Variants in PAK5 observed in about 807,000 individuals in gnomAD.
PAK5 encodes serine/threonine-protein kinase PAK 5.
A neutral mutation model predicts 65.9 loss-of-function variants in PAK5; 16 were observed. The observed-to-expected ratio is 0.24, with a 90% CI of 0.16 to 0.37. PAK5 has a LOEUF of 0.37. PAK5 is among the 10% of genes least tolerant of loss of function. The probability of loss-of-function intolerance (pLI) is 1.00; values close to 1 mark genes in which losing one functional copy is unlikely to be tolerated. For missense variants in PAK5, 785 were observed against 903.9 expected (o/e 0.87, Z 1.69); for synonymous variants, 371 against 354.9 (o/e 1.05, Z -0.51).
chr20:9,542,753 A>C, intron 8 of PAK5, 33 bp from the exon 9 acceptor site: 4 of 1,603,382 alleles, frequency 2.5e-6, no homozygotes, highest in Non-Finnish European at 3.4e-6. Flanking sequence ...TATCTCAGGC[A>C]AGGAGAACAT....
At chr20:9,683,816 T>A (rs1479361186) in intron 2 of PAK5, among the ~76,000 whole-genome samples, 1 of 152,158 alleles carries the variant, frequency 6.6e-6, no homozygotes, top group Non-Finnish European at 1.5e-5. Flanking sequence ...CTTCCTGGGA[T>A]CAAGCAATCT....
At chr20:9,744,304 A>T (rs933478492) in intron 1 of PAK5, among the ~76,000 whole-genome samples, 6 of 152,228 alleles carry the variant, frequency 3.9e-5, no homozygotes, top group Non-Finnish European at 7.4e-5. Context: ...GTCCTGAAAC[A>T]TCAGTTCATT....
intron 3 of PAK5, among the ~76,000 whole-genome samples, chr20:9,625,721 G>A (rs1416014727): frequency 2.0e-5 from 3 of 152,182 alleles, no homozygotes; most frequent in African/African-American, 4.8e-5. Context: ...TGGAACTACA[G>A]GTGCATGCCA....
At chr20:9,743,154 G>A (rs1391580753) in intron 1 of PAK5, among the ~76,000 whole-genome samples, 1 of 152,072 alleles carries the variant, frequency 6.6e-6, no homozygotes, top group Non-Finnish European at 1.5e-5. Flanking sequence ...GATCGCTTGA[G>A]CCCAGGAGTT....
chr20:9,613,106 A>G (rs2046594169), intron 3 of PAK5, among the ~76,000 whole-genome samples: 2 of 152,218 alleles, frequency 1.3e-5, no homozygotes, highest in African/African-American at 4.8e-5. Flanking sequence ...GTAGAAATGA[A>G]TGAGTGTGGT....
At chr20:9,794,586 G>C (rs1453221872) in intron 1 of PAK5, among the ~76,000 whole-genome samples, 1 of 152,060 alleles carries the variant, frequency 6.6e-6, no homozygotes, top group South Asian at 2.1e-4. Flanking sequence ...TGTGATGTTG[G>C]ACATGGTGGT....
chr20:9,619,259 A>G (rs1402060442), intron 3 of PAK5, among the ~76,000 whole-genome samples: 1 of 152,076 alleles, frequency 6.6e-6, no homozygotes, highest in Admixed American at 6.6e-5. Context: ...CTTTAGGTAG[A>G]CCAGAGAAAA....
intron 1 of PAK5, among the ~76,000 whole-genome samples, chr20:9,798,479 G>A (rs886240293): frequency 2.0e-5 from 3 of 152,240 alleles, no homozygotes; most frequent in African/African-American, 7.2e-5. Flanking sequence ...GACACCAGCT[G>A]ATTTACAGAT....
At chr20:9,619,802 C>G (rs376565536) in intron 3 of PAK5, among the ~76,000 whole-genome samples, 5 of 152,222 alleles carry the variant, frequency 3.3e-5, no homozygotes, top group African/African-American at 1.2e-4. Flanking sequence ...TTACTTCCCT[C>G]CCTTGATTCT....
At chr20:9,555,745 C>G (rs1373133158) in intron 7 of PAK5, among the ~76,000 whole-genome samples, 1 of 152,160 alleles carries the variant, frequency 6.6e-6, no homozygotes, top group African/African-American at 2.4e-5. Context: ...CTCCTTGAGT[C>G]TGGTCTTGAA....
intron 1 of PAK5, among the ~76,000 whole-genome samples, chr20:9,720,758 G>A (rs140706081): frequency 1.0e-3 from 157 of 152,190 alleles, no homozygotes; most frequent in Non-Finnish European, 2.1e-3. Context: ...CCAATCAGTC[G>A]GATGTTATTC....
intron 2 of PAK5, among the ~76,000 whole-genome samples, chr20:9,689,942 A>G (rs2047769558): frequency 6.6e-6 from 1 of 152,194 alleles, no homozygotes; most frequent in Non-Finnish European, 1.5e-5. Context: ...AAGAACATTT[A>G]CATACAGACA....
At chr20:9,747,330 T>C (rs569049901) in intron 1 of PAK5, among the ~76,000 whole-genome samples, 287 of 152,204 alleles carry the variant, frequency 1.9e-3, no homozygotes, top group Non-Finnish European at 3.4e-3. Flanking sequence ...CCCTAACTCA[T>C]TTTATGAGGC....
intron 6 of PAK5, among the ~76,000 whole-genome samples, chr20:9,558,007 CATTTATTT>C (rs59495767): frequency 4.4e-4 from 62 of 140,714 alleles, no homozygotes; most frequent in South Asian, 3.7e-3. Flanking sequence ...TCCAGGAACT[CATTTATTT>C]ATTTATTTAT....
chr20:9,691,045 G>A (rs1211229187), intron 2 of PAK5, among the ~76,000 whole-genome samples: 1 of 152,006 alleles, frequency 6.6e-6, no homozygotes, highest in African/African-American at 2.4e-5. Context: ...GTGAGCCATG[G>A]TACCCAGCCT....
intron 1 of PAK5, among the ~76,000 whole-genome samples, chr20:9,741,539 T>A (rs2048451123): frequency 6.6e-6 from 1 of 152,184 alleles, no homozygotes; most frequent in Admixed American, 6.5e-5. Flanking sequence ...TGGTTAAGAA[T>A]GATATGACTT....
At chr20:9,546,602 C>T (rs1366303365) in intron 7 of PAK5, among the ~76,000 whole-genome samples, 2 of 152,224 alleles carry the variant, frequency 1.3e-5, no homozygotes, top group African/African-American at 2.4e-5. Flanking sequence ...GAAATTGAGG[C>T]ATTACAGGAG....
intron 1 of PAK5, among the ~76,000 whole-genome samples, chr20:9,787,496 A>G (rs1182167247): frequency 6.6e-6 from 1 of 152,080 alleles, no homozygotes; most frequent in African/African-American, 2.4e-5. Context: ...CTTATTTTAT[A>G]TTTTTAGAGT....
chr20:9,663,596 G>A (rs2047375153), intron 2 of PAK5, among the ~76,000 whole-genome samples: 1 of 152,154 alleles, frequency 6.6e-6, no homozygotes, highest in Non-Finnish European at 1.5e-5. Flanking sequence ...CCTACTTTCA[G>A]TAATGTCAGA....
Sources: allele counts gnomAD v4.1 joint callset (sites outside exome capture counted in the v4.1 genomes callset), GRCh38; gene constraint gnomAD v4.1.1; transcripts MANE v1.5; gene names NCBI Gene and HGNC (gene_info 2026-07-23, HGNC 2026-07-21).